Variants in TBC1D32 observed in about 807,000 individuals in gnomAD.
TBC1D32 encodes TBC1 domain family member 32, also known as protein broad-minded.
A neutral mutation model predicts 170.3 loss-of-function variants in TBC1D32; 151 were observed. The ratio of observed to expected loss-of-function variants is 0.89; its 90% CI spans 0.78 to 1.01. The LOEUF (loss-of-function observed/expected upper bound fraction) is 1.01, where lower values mean the gene tolerates loss of function less well. Ranked by LOEUF, TBC1D32 falls within the 50% of genes least tolerant of loss-of-function variation. The pLI, the probability that TBC1D32 is intolerant of heterozygous loss-of-function variation, is 0.00. For synonymous variants in TBC1D32, 498 were observed against 488.0 expected (o/e 1.02, Z -0.27); for missense variants, 1,464 against 1,457.1 (o/e 1.00, Z -0.08).
intron 29 of TBC1D32, among the ~76,000 whole-genome samples, chr6:121,108,919 C>A (rs763193510): frequency 6.6e-6 from 1 of 152,098 alleles, no homozygotes; most frequent in Non-Finnish European, 1.5e-5. Flanking sequence ...ACTTGTGCAT[C>A]ATGCATAGAG....
intron 24 of TBC1D32, among the ~76,000 whole-genome samples, chr6:121,133,302 C>A (rs939056913): frequency 6.6e-6 from 1 of 151,904 alleles, no homozygotes; most frequent in African/African-American, 2.4e-5. Flanking sequence ...AGCTTTCCAG[C>A]ATAATACAAC....
chr6:121,259,747 C>T (rs888025286), intron 15 of TBC1D32, among the ~76,000 whole-genome samples: 1 of 152,122 alleles, frequency 6.6e-6, no homozygotes, highest in South Asian at 2.1e-4. Context: ...TATAGAACCT[C>T]TCAAAAAACT....
intron 4 of TBC1D32, among the ~76,000 whole-genome samples, chr6:121,308,764 C>T (rs565405817): frequency 3.2e-4 from 43 of 135,446 alleles, no homozygotes; most frequent in African/African-American, 1.2e-3. Context: ...GGCGCAATCT[C>T]GGCTCGCTGC....
intron 24 of TBC1D32, among the ~76,000 whole-genome samples, chr6:121,151,004 T>G (rs1186900913): frequency 6.6e-6 from 1 of 152,196 alleles, no homozygotes; most frequent in East Asian, 1.9e-4. Flanking sequence ...TCTATCTCCT[T>G]CAGGTCTGCT....
intron 21 of TBC1D32, among the ~76,000 whole-genome samples, chr6:121,206,805 C>T: frequency 6.6e-6 from 1 of 152,240 alleles, no homozygotes; most frequent in Non-Finnish European, 1.5e-5. Flanking sequence ...CTTTGCTGGG[C>T]ACTACTTGCT....
At chr6:121,299,406 G>T in intron 10 of TBC1D32, 40 bp downstream of exon 10, 1 of 1,458,946 alleles carries the variant, frequency 6.9e-7, no homozygotes, top group Non-Finnish European at 9.3e-7. Context: ...ATATTCTGGT[G>T]ATATTATTTC....
At chr6:121,254,563 TA>T (rs542675795) in intron 17 of TBC1D32, among the ~76,000 whole-genome samples, 2 of 152,138 alleles carry the variant, frequency 1.3e-5, no homozygotes, top group South Asian at 4.1e-4. Flanking sequence ...AGAAAATGTT[TA>T]GGGAATTAAC....
chr6:121,083,808 TA>T (rs1320352990), intron 31 of TBC1D32, among the ~76,000 whole-genome samples: 1 of 152,166 alleles, frequency 6.6e-6, no homozygotes, highest in Non-Finnish European at 1.5e-5. Flanking sequence ...TTTCATGTGT[TA>T]AATGTAGACA....
At chr6:121,179,494 C>A (rs996838163) in intron 22 of TBC1D32, among the ~76,000 whole-genome samples, 1 of 151,394 alleles carries the variant, frequency 6.6e-6, no homozygotes, top group Non-Finnish European at 1.5e-5. Flanking sequence ...TAATAATAGA[C>A]GATATAATAT....
chr6:121,084,806 C>G (rs900124157), intron 31 of TBC1D32, among the ~76,000 whole-genome samples: 3 of 152,066 alleles, frequency 2.0e-5, no homozygotes, highest in East Asian at 3.9e-4. Context: ...ATCAAGTGTG[C>G]TAACATGGTA....
At chr6:121,174,558 T>C (rs1045707564) in intron 22 of TBC1D32, among the ~76,000 whole-genome samples, 1 of 152,150 alleles carries the variant, frequency 6.6e-6, no homozygotes, top group African/African-American at 2.4e-5. Context: ...AATCAAATTG[T>C]TCCAGACATA....
At chr6:121,159,930 A>T (rs1785398833) in intron 24 of TBC1D32, 80 bp downstream of exon 24, 1 of 969,262 alleles carries the variant, frequency 1.0e-6, no homozygotes, top group Admixed American at 1.9e-5. Flanking sequence ...GTCAATATTC[A>T]TCTTCCTTAA....
intron 24 of TBC1D32, among the ~76,000 whole-genome samples, chr6:121,146,026 G>T (rs1385491747): frequency 6.6e-6 from 1 of 152,138 alleles, no homozygotes; most frequent in Non-Finnish European, 1.5e-5. Flanking sequence ...ACAAAGCTGG[G>T]GTAGGCAAGA....
intron 21 of TBC1D32, 87 bp from the exon 22 acceptor site, chr6:121,205,250 CT>C: frequency 1.6e-6 from 1 of 634,156 alleles, no homozygotes; most frequent in South Asian, 3.0e-5. Flanking sequence ...AGATTTGTGG[CT>C]CTCAAATTTG....
At chr6:121,287,860 G>T (rs11154013) in intron 12 of TBC1D32, among the ~76,000 whole-genome samples, 1 of 152,000 alleles carries the variant, frequency 6.6e-6, no homozygotes, top group South Asian at 2.1e-4. Context: ...ACTCAAAACC[G>T]CTCATCTATA....
chr6:121,219,141 T>C (rs573043081), intron 21 of TBC1D32, among the ~76,000 whole-genome samples: 2 of 152,274 alleles, frequency 1.3e-5, no homozygotes, highest in Non-Finnish European at 2.9e-5. Flanking sequence ...GCTTCCATGG[T>C]TGACAGAAGA....
intron 24 of TBC1D32, among the ~76,000 whole-genome samples, chr6:121,154,511 T>G (rs1357344894): frequency 6.6e-6 from 1 of 152,172 alleles, no homozygotes. Flanking sequence ...ATTCTTGATA[T>G]TAGCTCCCTA....
Position 121,283,966 on chromosome 6 carries a change from A to G in TBC1D32, c.1373-56T>C, listed in dbSNP as rs558936441. 224 of 1,320,132 alleles carry G rather than the reference A, an allele frequency of 1.7e-4. 2 individuals are homozygous for G. In the African/African-American group the frequency reaches 3.1e-3, roughly 18 times the overall value. 81.8% of individuals were successfully genotyped at this position (1,320,132 alleles called of 1,614,324 possible). A position where few individuals can be genotyped will look rare whatever the true frequency, so the allele number is the denominator to read the frequency against. On this transcript the variant is annotated intron_variant, in intron 12 of 31. Transcript: ENST00000398212. ...TTCTAGCATATTCTTTCAACTTAAG[A>G]GAAATTTAACTGAGCTTTCATCCAT...
chr6:121,219,332 T>C (rs1433440196), intron 21 of TBC1D32, among the ~76,000 whole-genome samples: 5 of 152,166 alleles, frequency 3.3e-5, no homozygotes, highest in Non-Finnish European at 7.3e-5. Flanking sequence ...TTCTACAGGG[T>C]TAAAATATAA....
Sources: allele counts gnomAD v4.1 joint callset (sites outside exome capture counted in the v4.1 genomes callset), GRCh38; gene constraint gnomAD v4.1.1; transcripts MANE v1.5; gene names NCBI Gene and HGNC (gene_info 2026-07-23, HGNC 2026-07-21).